PAPPA: variants seen among roughly 807,000 people sequenced by gnomAD.
PAPPA encodes pappalysin 1.
PAPPA carries 60 observed loss-of-function variants against 164.0 expected under a neutral mutation model. The ratio of observed to expected loss-of-function variants is 0.37; its 90% CI spans 0.30 to 0.45. The LOEUF (loss-of-function observed/expected upper bound fraction) is 0.45, where lower values mean the gene tolerates loss of function less well. Ranked by LOEUF, PAPPA falls within the 20% of genes least tolerant of loss-of-function variation. PAPPA has a pLI of 1.00. For synonymous variants in PAPPA, 875 were observed against 814.1 expected, an observed-to-expected ratio of 1.07 and a Z score of -1.27; for missense variants, 1,782 against 2,087.3, an observed-to-expected ratio of 0.85 and a Z score of 2.85.
intron 2 of PAPPA, among the ~76,000 whole-genome samples, chr9:116,188,484 G>A (rs1844005783): frequency 6.6e-6 from 1 of 152,220 alleles, no homozygotes; most frequent in South Asian, 2.1e-4. Context: ...AGTTCAAATT[G>A]AGTGATATAA....
At chr9:116,219,070 G>A (rs189753927) in intron 4 of PAPPA, among the ~76,000 whole-genome samples, 4 of 152,306 alleles carry the variant, frequency 2.6e-5, no homozygotes, top group Admixed American at 2.0e-4. Flanking sequence ...CCATGCCTCT[G>A]TAGTCATGCA....
chr9:116,184,253 G>T (rs1245770823), intron 1 of PAPPA, among the ~76,000 whole-genome samples: 1 of 152,138 alleles, frequency 6.6e-6, no homozygotes, highest in African/African-American at 2.4e-5. Context: ...TTCAAATCTG[G>T]AGTTGGATCT....
At chr9:116,158,434 A>G (rs572710763) in intron 1 of PAPPA, among the ~76,000 whole-genome samples, 7 of 152,294 alleles carry the variant, frequency 4.6e-5, no homozygotes, top group South Asian at 2.1e-4. Flanking sequence ...CAGGTTACCT[A>G]TGTGGAATCT....
At position 116,251,377 on chromosome 9, in the gene PAPPA, A is replaced by G. The variant is rs572438865; in HGVS notation, c.2733-14480A>G. On this transcript the variant is annotated intron_variant, in intron 7 of 21. Coordinates refer to ENST00000328252, the MANE Select transcript of PAPPA (RefSeq NM_002581.5). ...AGAAGAAAGAGAAGCCCAGTCCCCA[A>G]ATGGTTTTAGATGTGGTGCCAAATT... 2.0e-5 allele frequency among the ~76,000 whole-genome samples: 3 copies of G among 152,220 alleles called. No homozygotes were observed. In the East Asian group the frequency reaches 5.8e-4, roughly 29 times the overall value.
Position 116,304,909 on chromosome 9 carries a change from T to C in PAPPA, c.3147+1959T>C, listed in dbSNP as rs554845246. On this transcript the variant is annotated intron_variant, in intron 10 of 21. Transcript: ENST00000328252. Reference sequence around the variant, plus strand: ...CAAGGAGATTTCAGCTGTAACTAAATTTGCCATAATGAGATCAGCTCACTG... The same window carrying C: ...CAAGGAGATTTCAGCTGTAACTAAACTTGCCATAATGAGATCAGCTCACTG... Among the ~76,000 whole-genome samples, 4 of 152,176 alleles carry C rather than the reference T, an allele frequency of 2.6e-5. No homozygotes were observed. In the South Asian group the frequency reaches 6.2e-4, roughly 24 times the overall value.
At position 116,194,151 on chromosome 9, in the gene PAPPA, T is replaced by G. The variant is rs181574181; in HGVS notation, c.1478+5935T>G. ...ACTGAAGACTCGGGCTGATTTAGAA[T>G]GAAAGAATTCAGGTGAAACAGATTC... On this transcript the variant is annotated intron_variant, in intron 2 of 21. Coordinates refer to ENST00000328252, the MANE Select transcript of PAPPA (RefSeq NM_002581.5). Among the ~76,000 whole-genome samples the G allele has an allele frequency of 2.0e-5, 3 of 152,322 alleles. No individual in the cohort carries two copies. In the East Asian group the frequency reaches 5.8e-4, roughly 29 times the overall value.
chr9:116,176,220 G>T (rs1004004883), intron 1 of PAPPA, among the ~76,000 whole-genome samples: 1 of 152,206 alleles, frequency 6.6e-6, no homozygotes, highest in African/African-American at 2.4e-5. Context: ...ACCAGAGTCT[G>T]TCTACACACT....
intron 13 of PAPPA, 113 bp downstream of exon 13, chr9:116,335,187 C>G: frequency 7.1e-6 from 6 of 839,614 alleles, no homozygotes; most frequent in Non-Finnish European, 9.5e-6. Flanking sequence ...GCATTTCTCC[C>G]TTCTCCATCC....
intron 7 of PAPPA, among the ~76,000 whole-genome samples, chr9:116,252,835 G>A (rs1178256819): frequency 6.6e-6 from 1 of 152,164 alleles, no homozygotes. Context: ...TAAATGAACT[G>A]TTCTTAATCT....
At chr9:116,253,198 G>A (rs979215451) in intron 7 of PAPPA, among the ~76,000 whole-genome samples, 3 of 150,632 alleles carry the variant, frequency 2.0e-5, no homozygotes, top group East Asian at 1.9e-4. Flanking sequence ...AGCCTTTCTC[G>A]TTCTTTAAAC....
chr9:116,395,721 G>A (rs1022424019), intron 21 of PAPPA, among the ~76,000 whole-genome samples: 2 of 152,158 alleles, frequency 1.3e-5, no homozygotes, highest in African/African-American at 2.4e-5. Context: ...TCACTTGTTC[G>A]TATGCTAAAA....
At chr9:116,281,803 G>T (rs958360711) in intron 9 of PAPPA, among the ~76,000 whole-genome samples, 2 of 152,090 alleles carry the variant, frequency 1.3e-5, no homozygotes, top group Non-Finnish European at 2.9e-5. Context: ...AAATCTTCCT[G>T]AGTGCTGCAT....
At position 116,344,582 on chromosome 9, in the gene PAPPA, G is replaced by A. The variant is rs1015921840; in HGVS notation, c.3651G>A (p.Glu1217=). 1 of 1,614,038 alleles carries A rather than the reference G, an allele frequency of 6.2e-7. No homozygotes were observed. Among genetic ancestry groups the A allele is most frequent in the Non-Finnish European group, 8.5e-7 (1 of 1,180,000 alleles). ...CATGTGAGAAAACTGACTGTCCAGA[G>A]CTGGCTGTGGAGAATGCTTCTCTCA... is the stretch of plus-strand genomic sequence containing the variant. ...HFACEKTDCP[E]LAVENASLNC... Residue 1217 remains glutamate (E), a synonymous_variant, in exon 14 of 22, where the codon GAG becomes GAA. Transcript: ENST00000328252.
At chr9:116,305,109 G>A (rs1052447016) in intron 10 of PAPPA, among the ~76,000 whole-genome samples, 22 of 125,702 alleles carry the variant, frequency 1.8e-4, no homozygotes, top group Non-Finnish European at 2.5e-4. Context: ...ACAGGCACAC[G>A]CATACACAAG....
At chr9:116,223,761 G>A (rs546779231) in intron 5 of PAPPA, among the ~76,000 whole-genome samples, 27 of 152,282 alleles carry the variant, frequency 1.8e-4, no homozygotes, top group South Asian at 6.2e-4. Context: ...AATTGGCTTA[G>A]TAGAAAGTAT....
intron 20 of PAPPA, 92 bp downstream of exon 20, chr9:116,377,739 A>G (rs1846674294): frequency 1.3e-5 from 12 of 927,194 alleles, no homozygotes; most frequent in Non-Finnish European, 2.1e-5. Flanking sequence ...ATCCTTTGCC[A>G]TACCTACTGA....
chr9:116,313,841 C>G (rs1446595053), intron 10 of PAPPA, among the ~76,000 whole-genome samples: 1 of 152,048 alleles, frequency 6.6e-6, no homozygotes, highest in Non-Finnish European at 1.5e-5. Flanking sequence ...CTGGACAGAG[C>G]AGGTCTAGAG....
At chr9:116,395,132 T>C (rs1041347054) in intron 21 of PAPPA, among the ~76,000 whole-genome samples, 1 of 152,206 alleles carries the variant, frequency 6.6e-6, no homozygotes, top group African/African-American at 2.4e-5. Flanking sequence ...ATTTTTCCCA[T>C]TAAATGAATG....
At position 116,197,418 on chromosome 9, in the gene PAPPA, GA is replaced by G. The variant is rs926194684; in HGVS notation, c.1478+9210del. 5.3e-5 allele frequency among the ~76,000 whole-genome samples: 8 copies of G among 152,044 alleles called. No individual in the cohort carries two copies. The South Asian group carries it at 1.5e-3, about 28-fold the overall frequency. ...GAGCAATTATGCTCTATGACAAGTT[GA>G]AAAAAAATCCTACTCATATTTCTCA... is the stretch of plus-strand genomic sequence containing the variant. On this transcript the variant is annotated intron_variant, in intron 2 of 21. Transcript: ENST00000328252.
Sources: gnomAD v4.1 joint callset for allele counts (sites outside exome capture counted in the v4.1 genomes callset) on GRCh38, gnomAD v4.1.1 for gene constraint, MANE v1.5 for transcripts, NCBI Gene and HGNC (gene_info 2026-07-23, HGNC 2026-07-21) for gene names.